HMGB1: variants seen among roughly 807,000 people sequenced by gnomAD.
HMGB1 encodes high mobility group protein B1.
For missense variants in HMGB1, 79 were observed against 253.5 expected, an observed-to-expected ratio of 0.31 and a Z score of 4.67; for synonymous variants, 81 against 84.0, an observed-to-expected ratio of 0.96 and a Z score of 0.19.
At chr13:30,591,357 C>T (rs1009630390) in intron 1 of HMGB1, among the ~76,000 whole-genome samples, 1 of 151,812 alleles carries the variant, frequency 6.6e-6, no homozygotes, top group Non-Finnish European at 1.5e-5. Flanking sequence ...TACAGAGAAG[C>T]CTGTTTAAGG....
chr13:30,536,793 T>C (rs1868460460), intron 1 of HMGB1, among the ~76,000 whole-genome samples: 3 of 152,204 alleles, frequency 2.0e-5, no homozygotes, highest in Admixed American at 2.0e-4. Context: ...TTGCTTAGCT[T>C]TCTAGGTTCC....
At chr13:30,573,899 C>T (rs1440949459) in intron 1 of HMGB1, among the ~76,000 whole-genome samples, 1 of 152,132 alleles carries the variant, frequency 6.6e-6, no homozygotes, top group Admixed American at 6.6e-5. Context: ...AGTGATCTAC[C>T]CAACTCAGCC....
chr13:30,538,291 G>T (rs964392165), intron 1 of HMGB1, among the ~76,000 whole-genome samples: 2 of 152,114 alleles, frequency 1.3e-5, no homozygotes, highest in African/African-American at 4.8e-5. Context: ...TTTTTTGGTG[G>T]TATAGAGAAG....
chr13:30,471,653 C>T (rs1429139370), intron 1 of HMGB1, among the ~76,000 whole-genome samples: 1 of 87,432 alleles, frequency 1.1e-5, no homozygotes, highest in East Asian at 3.9e-4. Context: ...CCGTGCCCGG[C>T]CTTTTTTTTT....
At chr13:30,593,182 G>A (rs986767104) in intron 1 of HMGB1, among the ~76,000 whole-genome samples, 10 of 152,198 alleles carry the variant, frequency 6.6e-5, no homozygotes, top group African/African-American at 1.9e-4. Context: ...CACTTTGGGC[G>A]GAAAGCAGCA....
chr13:30,474,250 T>C (rs1256834514), intron 1 of HMGB1, among the ~76,000 whole-genome samples: 1 of 152,082 alleles, frequency 6.6e-6, no homozygotes, highest in Non-Finnish European at 1.5e-5. Context: ...TTACGAGTGG[T>C]TTTGGTTAAC....
intron 1 of HMGB1, among the ~76,000 whole-genome samples, chr13:30,523,884 G>C (rs1888294834): frequency 6.6e-6 from 1 of 152,100 alleles, no homozygotes; most frequent in African/African-American, 2.4e-5. Context: ...GGGACTACAG[G>C]AGAGTGCCAC....
chr13:30,598,665 G>A (rs551752830), intron 1 of HMGB1, among the ~76,000 whole-genome samples: 7 of 152,312 alleles, frequency 4.6e-5, no homozygotes, highest in African/African-American at 1.7e-4. Context: ...GATAGTGTAG[G>A]GTGGGGTGAA....
At position 30,559,827 on chromosome 13, in the gene HMGB1, GGTAT is replaced by G. The variant is rs1250794721; in HGVS notation, c.-15+56840_-15+56843del. ...ACTTGGAAACAGCAGATTGTGAAAG[GGTAT>G]GTGACTGACAATTATTAAACAATTA... On this transcript the variant is annotated intron_variant, in intron 1 of 4. Transcript: ENST00000405805. The surrounding 1 kb of genome is among the most constrained non-coding windows in gnomAD (Gnocchi z 6.6). 6.6e-6 allele frequency among the ~76,000 whole-genome samples: 1 copy of G among 152,024 alleles called. No individual in the cohort carries two copies. Among genetic ancestry groups the G allele is most frequent in the African/African-American group, 2.4e-5 (1 of 41,362 alleles).
intron 1 of HMGB1, among the ~76,000 whole-genome samples, chr13:30,609,072 T>C (rs1212825977): frequency 6.7e-6 from 1 of 149,432 alleles, no homozygotes; most frequent in African/African-American, 2.4e-5. Context: ...CCATCCTGGC[T>C]AACACGGTGT....
chr13:30,545,808 G>A (rs1869130993), intron 1 of HMGB1, among the ~76,000 whole-genome samples: 1 of 152,056 alleles, frequency 6.6e-6, no homozygotes, highest in South Asian at 2.1e-4. Flanking sequence ...AGATCCTCCT[G>A]CCTCAGCTTC....
At chr13:30,472,148 G>A (rs778066428) in intron 1 of HMGB1, among the ~76,000 whole-genome samples, 14 of 152,070 alleles carry the variant, frequency 9.2e-5, no homozygotes, top group African/African-American at 2.7e-4. Context: ...GTGTGATGGC[G>A]CATGCCTGTA....
intron 1 of HMGB1, among the ~76,000 whole-genome samples, chr13:30,558,940 ATCT>A (rs1041616887): frequency 6.6e-6 from 1 of 152,178 alleles, no homozygotes; most frequent in Non-Finnish European, 1.5e-5. Flanking sequence ...ATGGATTATA[ATCT>A]TCTTGAGGGC....
intron 1 of HMGB1, among the ~76,000 whole-genome samples, chr13:30,581,959 A>C (rs1476959341): frequency 6.6e-6 from 1 of 152,224 alleles, no homozygotes; most frequent in Non-Finnish European, 1.5e-5. Context: ...GAAGTGTTTT[A>C]TGATTATCTG....
chr13:30,478,024 T>C (rs1370883233), intron 1 of HMGB1, among the ~76,000 whole-genome samples: 1 of 152,176 alleles, frequency 6.6e-6, no homozygotes, highest in African/African-American at 2.4e-5. Flanking sequence ...CTTACAAGAA[T>C]GGAAATGAGG....
At chr13:30,576,554 T>C (rs917730433) in intron 1 of HMGB1, among the ~76,000 whole-genome samples, 5 of 151,826 alleles carry the variant, frequency 3.3e-5, no homozygotes, top group East Asian at 1.9e-4. Flanking sequence ...TGCTTTCTTC[T>C]GCTTGCCTCG....
intron 1 of HMGB1, among the ~76,000 whole-genome samples, chr13:30,616,316 G>C (rs538477222): frequency 2.6e-5 from 4 of 152,182 alleles, no homozygotes; most frequent in Non-Finnish European, 4.4e-5. Context: ...TACACTGAAA[G>C]ACTAAAATTC....
intron 1 of HMGB1, among the ~76,000 whole-genome samples, chr13:30,615,953 C>CG (rs113422865): frequency 5.9e-5 from 9 of 152,304 alleles, no homozygotes; most frequent in African/African-American, 2.2e-4. Context: ...TGCTGACAAG[C>CG]GATGGACGCA....
At position 30,556,352 on chromosome 13, in the gene HMGB1, C is replaced by T. The variant is rs1375105999; in HGVS notation, c.-15+60319G>A. On this transcript the variant is annotated intron_variant, in intron 1 of 4. Coordinates refer to the HMGB1 transcript ENST00000405805. ...CCGAGAGGTGGAGGTTGCAGTGAGC[C>T]GAGATCCTGCCACTGCACTCTAGCC... Among the ~76,000 whole-genome samples, 5 of 152,030 alleles carry T rather than the reference C, an allele frequency of 3.3e-5. No individual in the cohort carries two copies. The South Asian group carries it at 6.2e-4, about 19-fold the overall frequency.
Sources: allele counts gnomAD v4.1 joint callset (sites outside exome capture counted in the v4.1 genomes callset), GRCh38; gene constraint gnomAD v4.1.1; non-coding constraint Gnocchi (gnomAD v3.1); transcripts MANE v1.5; gene names NCBI Gene and HGNC (gene_info 2026-07-23, HGNC 2026-07-21).